Variants in RASGRF2 observed in about 807,000 individuals in gnomAD.
RASGRF2 encodes the protein ras-specific guanine nucleotide-releasing factor 2.
A neutral mutation model predicts 151.0 loss-of-function variants in RASGRF2; 76 were observed. That is an observed-to-expected ratio of 0.50 (90% confidence interval 0.42 to 0.61). The LOEUF is 0.61. Among genes scored for constraint, RASGRF2 ranks in the 20% least tolerant of loss-of-function variants. The pLI, the probability that RASGRF2 is intolerant of heterozygous loss-of-function variation, is 0.00. For synonymous variants in RASGRF2, 504 were observed against 566.5 expected (o/e 0.89, Z 1.57); for missense variants, 1,148 against 1,564.6 (o/e 0.73, Z 4.49).
At chr5:81,115,014 G>A (rs1390044254) in intron 15 of RASGRF2, among the ~76,000 whole-genome samples, 10 of 152,124 alleles carry the variant, frequency 6.6e-5, no homozygotes, top group Non-Finnish European at 1.3e-4. Flanking sequence ...AAATAAAAAT[G>A]ATTCACAGTG....
At chr5:81,204,546 A>G (rs62364989) in intron 19 of RASGRF2, among the ~76,000 whole-genome samples, 7,535 of 152,280 alleles carry the variant, frequency 0.049, 260 homozygotes, top group Middle Eastern at 0.1. Context: ...TAATTGCCAT[A>G]TATAGTTTGT....
chr5:81,208,250 C>A, intron 21 of RASGRF2, 104 bp from the exon 22 acceptor site: 2 of 947,274 alleles, frequency 2.1e-6, no homozygotes, highest in Non-Finnish European at 3.2e-6. Flanking sequence ...CATTCTAGGC[C>A]ATGTCAAATG....
intron 1 of RASGRF2, among the ~76,000 whole-genome samples, chr5:81,025,464 G>A (rs954835819): frequency 3.9e-5 from 6 of 152,186 alleles, no homozygotes; most frequent in East Asian, 3.9e-4. Context: ...GGGCACAGGT[G>A]GTGGAAGTGG....
chr5:80,970,694 T>C (rs1747903209), intron 1 of RASGRF2, among the ~76,000 whole-genome samples: 1 of 152,186 alleles, frequency 6.6e-6, no homozygotes, highest in South Asian at 2.1e-4. Flanking sequence ...CAGTTCAAAT[T>C]TGGGGGCCAG....
At chr5:81,213,880 CTT>C (rs1755677658) in intron 23 of RASGRF2, among the ~76,000 whole-genome samples, 1 of 152,140 alleles carries the variant, frequency 6.6e-6, no homozygotes, top group East Asian at 1.9e-4. Flanking sequence ...AAAAAACAAA[CTT>C]TTGTTTTGAG....
At chr5:81,221,508 A>G (rs1442148825) in intron 26 of RASGRF2, among the ~76,000 whole-genome samples, 2 of 152,086 alleles carry the variant, frequency 1.3e-5, no homozygotes, top group African/African-American at 4.8e-5. Context: ...CAATCCATGT[A>G]GGGTTTTCTC....
In RASGRF2 at chr5:81,128,740, A is replaced by T. The variant is rs1020459026; in HGVS notation, c.2686+1577A>T. ...CAGTTAATTTTCAGGGTAAAGAAAA[A>T]GTACTTAAAATAAAAGCACAGTATT... On this transcript the variant is annotated intron_variant, in intron 17 of 26. Coordinates refer to ENST00000265080, the MANE Select transcript of RASGRF2 (RefSeq NM_006909.3). Among the ~76,000 whole-genome samples, 7 of 152,318 alleles carry T rather than the reference A, an allele frequency of 4.6e-5. No individual in the cohort carries two copies. In the Middle Eastern group the frequency reaches 0.01, roughly 222 times the overall value.
chr5:81,012,441 C>T (rs947289526), intron 1 of RASGRF2, among the ~76,000 whole-genome samples: 3 of 152,150 alleles, frequency 2.0e-5, no homozygotes, highest in Non-Finnish European at 4.4e-5. Flanking sequence ...TTTTGCTAGA[C>T]ACGGAGACAT....
intron 17 of RASGRF2, among the ~76,000 whole-genome samples, chr5:81,170,971 C>T (rs535894045): frequency 5.9e-5 from 9 of 152,112 alleles, no homozygotes; most frequent in Non-Finnish European, 1.0e-4. Flanking sequence ...ACCCTTCCTA[C>T]CATTCATGTT....
At chr5:81,217,517 G>C in intron 25 of RASGRF2, 44 bp downstream of exon 25, 2 of 1,422,834 alleles carry the variant, frequency 1.4e-6, no homozygotes, top group African/African-American at 1.5e-5. Flanking sequence ...GGCTTTAGAG[G>C]TTTATAGAGA....
chr5:81,034,804 T>TC (rs1554087627), intron 1 of RASGRF2, among the ~76,000 whole-genome samples: 3 of 89,370 alleles, frequency 3.4e-5, no homozygotes, highest in African/African-American at 1.4e-4. Context: ...TGTTGTGGGG[T>TC]GGGAGGGGGG....
chr5:81,124,091 TGTTA>T (rs1238921182), intron 16 of RASGRF2, among the ~76,000 whole-genome samples: 7 of 152,230 alleles, frequency 4.6e-5, no homozygotes, highest in Non-Finnish European at 7.3e-5. Flanking sequence ...ATTTCCATTG[TGTTA>T]GTTATTATAA....
chr5:81,167,312 C>A (rs577797603), intron 17 of RASGRF2, among the ~76,000 whole-genome samples: 51 of 152,252 alleles, frequency 3.3e-4, no homozygotes, highest in African/African-American at 1.2e-3. Flanking sequence ...GGACTGGAGG[C>A]CAACCAAGAC....
chr5:81,075,570 T>C (rs1256287424), intron 5 of RASGRF2, among the ~76,000 whole-genome samples: 2 of 152,148 alleles, frequency 1.3e-5, no homozygotes, highest in Non-Finnish European at 2.9e-5. Flanking sequence ...TTGATGGGTT[T>C]GATGTGGGTT....
chr5:81,009,051 T>C (rs2112309845), intron 1 of RASGRF2, among the ~76,000 whole-genome samples: 1 of 152,282 alleles, frequency 6.6e-6, no homozygotes, highest in South Asian at 2.1e-4. Context: ...GGCAGACCAG[T>C]GGGAGTCCAC....
At chr5:81,038,138 G>T (rs1479979909) in intron 1 of RASGRF2, among the ~76,000 whole-genome samples, 1 of 152,138 alleles carries the variant, frequency 6.6e-6, no homozygotes, top group East Asian at 1.9e-4. Context: ...TGGACATTTG[G>T]ATTGATTCCA....
At chr5:81,049,161 T>TAAAA (rs3991140) in intron 2 of RASGRF2, among the ~76,000 whole-genome samples, 5 of 116,848 alleles carry the variant, frequency 4.3e-5, no homozygotes, top group African/African-American at 1.3e-4. Flanking sequence ...GCAAGTTCCC[T>TAAAA]AAAAAAAAAA....
At chr5:80,981,644 C>T (rs1054635678) in intron 1 of RASGRF2, among the ~76,000 whole-genome samples, 3 of 152,070 alleles carry the variant, frequency 2.0e-5, no homozygotes, top group Admixed American at 6.5e-5. Flanking sequence ...TGGCTCACTG[C>T]GACCTCTGCC....
In RASGRF2 at chr5:81,156,895, T is replaced by A. The variant is rs192081592; in HGVS notation, c.2687-23280T>A. 1.1e-3 allele frequency among the ~76,000 whole-genome samples: 162 copies of A among 152,260 alleles called. 1 individual carries two copies. The highest frequency in any genetic ancestry group is 3.6e-3 in the African/African-American group (149 of 41,540). Reference sequence around the variant, plus strand: ...AAGTAAAACTGTCATTATTCATAGATGACATGAAGCAGTTTGTAGAAAACC... The same window carrying A: ...AAGTAAAACTGTCATTATTCATAGAAGACATGAAGCAGTTTGTAGAAAACC... On this transcript the variant is annotated intron_variant, in intron 17 of 26. Coordinates refer to ENST00000265080, the MANE Select transcript of RASGRF2 (RefSeq NM_006909.3).
Sources: gnomAD v4.1 joint callset for allele counts (sites outside exome capture counted in the v4.1 genomes callset) on GRCh38, gnomAD v4.1.1 for gene constraint, MANE v1.5 for transcripts, NCBI Gene and HGNC (gene_info 2026-07-23, HGNC 2026-07-21) for gene names.